HIF1A: variants seen among roughly 807,000 people sequenced by gnomAD.
The protein encoded by HIF1A is hypoxia-inducible factor 1-alpha.
A neutral mutation model predicts 92.7 loss-of-function variants in HIF1A; 24 were observed. The ratio of observed to expected loss-of-function variants is 0.26; its 90% CI spans 0.19 to 0.36. The LOEUF (loss-of-function observed/expected upper bound fraction) is 0.36, where lower values mean the gene tolerates loss of function less well. HIF1A is among the 10% of genes least tolerant of loss of function. HIF1A has a pLI of 1.00. For synonymous variants in HIF1A, 319 were observed against 338.7 expected, an observed-to-expected ratio of 0.94 and a Z score of 0.64; for missense variants, 799 against 998.5, an observed-to-expected ratio of 0.80 and a Z score of 2.69.
intron 1 of HIF1A, among the ~76,000 whole-genome samples, chr14:61,699,343 G>T (rs923890572): frequency 6.6e-6 from 1 of 152,096 alleles, no homozygotes; most frequent in African/African-American, 2.4e-5. Flanking sequence ...TAACGCCATT[G>T]TCTGTGACTC....
chr14:61,741,301 C>G (rs917405715), intron 12 of HIF1A, 113 bp downstream of exon 12: 1 of 648,206 alleles, frequency 1.5e-6, no homozygotes, highest in African/African-American at 1.8e-5. Flanking sequence ...TATGCCCTAA[C>G]GCAAATTCTT....
At position 61,729,697 on chromosome 14, in the gene HIF1A, T is replaced by C. The variant is rs535749101; in HGVS notation, c.773+2042T>C. On this transcript the variant is annotated intron_variant, in intron 6 of 14. Transcript: ENST00000337138. ...ATTATTTTTTATTTTTTTGAAAACT[T>C]AAGGTAACAAAGTAGAGAGGAGGCC... Among the ~76,000 whole-genome samples, 403 of 152,082 alleles carry C rather than the reference T, an allele frequency of 2.6e-3. 1 individual carries two copies. Among genetic ancestry groups the C allele is most frequent in the African/African-American group, 9.2e-3 (380 of 41,452 alleles).
chr14:61,696,232 C>G (rs527814685), intron 1 of HIF1A, among the ~76,000 whole-genome samples: 29 of 152,380 alleles, frequency 1.9e-4, no homozygotes, highest in Admixed American at 1.8e-3. Flanking sequence ...GCTCGGTAGC[C>G]GCGGTTTGCA....
At chr14:61,710,326 ATT>A (rs1320648520) in intron 1 of HIF1A, among the ~76,000 whole-genome samples, 2 of 152,188 alleles carry the variant, frequency 1.3e-5, no homozygotes, top group Non-Finnish European at 2.9e-5. Flanking sequence ...GTAAAAATAC[ATT>A]TGTTCCATAA....
At chr14:61,746,557 C>T (rs2044793058) in intron 14 of HIF1A, among the ~76,000 whole-genome samples, 1 of 151,890 alleles carries the variant, frequency 6.6e-6, no homozygotes, top group African/African-American at 2.4e-5. Flanking sequence ...ACATGCCTCA[C>T]CACACCCGGT....
chr14:61,706,434 T>C (rs571926650), intron 1 of HIF1A, among the ~76,000 whole-genome samples: 27 of 152,338 alleles, frequency 1.8e-4, no homozygotes, highest in Non-Finnish European at 2.8e-4. Flanking sequence ...GCTGGCTTAT[T>C]GACTTTTACT....
At chr14:61,725,896 T>C (rs1295384067) in intron 4 of HIF1A, among the ~76,000 whole-genome samples, 1 of 151,938 alleles carries the variant, frequency 6.6e-6, no homozygotes, top group Non-Finnish European at 1.5e-5. Context: ...CTCAGCTCAC[T>C]GCAACCTCTG....
chr14:61,737,474 C>T (rs1331961670), intron 9 of HIF1A, among the ~76,000 whole-genome samples: 1 of 152,168 alleles, frequency 6.6e-6, no homozygotes, highest in Non-Finnish European at 1.5e-5. Context: ...CATACTATAA[C>T]ATCAAGCATT....
intron 1 of HIF1A, among the ~76,000 whole-genome samples, chr14:61,713,134 T>C (rs1257168688): frequency 6.6e-6 from 1 of 152,064 alleles, no homozygotes; most frequent in Non-Finnish European, 1.5e-5. Flanking sequence ...CTGAAGAATG[T>C]GGAAAATGAT....
chr14:61,734,344 C>T lies in HIF1A; in HGVS notation c.1028+59C>T, dbSNP rs2044611144. On this transcript the variant is annotated intron_variant, in intron 8 of 14. Coordinates refer to ENST00000337138, the MANE Select transcript of HIF1A (RefSeq NM_001530.4). ...AACAAATAGTAATTCTTTTTGGATA[C>T]TCTGTTCATTTATAGGAAGATAAGA... 2.5e-6 allele frequency: 3 copies of T among 1,178,672 alleles called. No individual in the cohort carries two copies. The South Asian group carries it at 4.4e-5, about 17-fold the overall frequency. The allele number at this position is 1,178,672 out of a possible 1,614,324, so 73.0% of individuals were successfully genotyped here.
chr14:61,738,393 C>T lies in HIF1A; in HGVS notation c.1536+20C>T. ...CCTGAGGTAGGTGTCATGATATAAT[C>T]AGAAAGGGACAACTTTCAGATTTTA... On this transcript the variant is annotated intron_variant, in intron 10 of 14. Transcript: ENST00000337138. 2 of 1,539,900 alleles carry T rather than the reference C, an allele frequency of 1.3e-6. No homozygotes were observed. Among genetic ancestry groups the T allele is most frequent in the Non-Finnish European group, 1.8e-6 (2 of 1,140,912 alleles).
At chr14:61,700,595 T>G (rs1038027139) in intron 1 of HIF1A, among the ~76,000 whole-genome samples, 1 of 152,358 alleles carries the variant, frequency 6.6e-6, no homozygotes, top group South Asian at 2.1e-4. Context: ...TGTGCTGCTC[T>G]GAACATGAGT....
intron 1 of HIF1A, among the ~76,000 whole-genome samples, chr14:61,696,673 A>G (rs1323159606): frequency 6.6e-6 from 1 of 152,212 alleles, no homozygotes; most frequent in Admixed American, 6.5e-5. Flanking sequence ...TTCTTCAAAT[A>G]ATGAAAATGT....
intron 6 of HIF1A, among the ~76,000 whole-genome samples, chr14:61,728,811 C>T (rs2044539478): frequency 6.6e-6 from 1 of 152,062 alleles, no homozygotes; most frequent in Non-Finnish European, 1.5e-5. Flanking sequence ...ATCTAAGTTG[C>T]CAGAAAGTGG....
intron 1 of HIF1A, among the ~76,000 whole-genome samples, chr14:61,707,513 G>T (rs2044253714): frequency 6.6e-6 from 1 of 151,506 alleles, no homozygotes; most frequent in African/African-American, 2.4e-5. Flanking sequence ...GTGTCCATGT[G>T]TTCTCATTGT....
intron 11 of HIF1A, 21 bp from the exon 12 acceptor site, chr14:61,740,734 C>T (rs565501309): frequency 1.3e-6 from 2 of 1,585,796 alleles, no homozygotes; most frequent in South Asian, 1.1e-5. Context: ...TGTAAAAACT[C>T]ATGTATTTGC....
Position 61,745,722 on chromosome 14 carries a change from C to T in HIF1A, c.2234C>T (p.Ala745Val). 1.2e-6 allele frequency: 2 copies of T among 1,611,920 alleles called. No individual in the cohort carries two copies. Among genetic ancestry groups the T allele is most frequent in the Non-Finnish European group, 1.7e-6 (2 of 1,178,062 alleles). The change falls in exon 14 of 15, where the codon GCA becomes GTA. Residue 745 changes from alanine to valine, a missense_variant. Physicochemically the swap from Ala to Val is moderately conservative, Grantham distance 64. Around this residue, in one of 2 missense-constraint regions of HIF1A, gnomAD observed 283 missense variants for 277.5 expected, o/e 1.02. Transcript: ENST00000337138. ...GTLLQQPDDH[A>V]ATTSLSWKRV... ...TTATTACAGCAGCCAGACGATCATG[C>T]AGCTACTACATCACTTTCTTGGAAA...
chr14:61,740,939 C>T lies in HIF1A; in HGVS notation c.1844C>T (p.Thr615Ile). ...ATACAAGAACCTACTGCTAATGCCA[C>T]CACTACCACTGCCACCACTGATGAA... ...TQIQEPTANATTTTATTDELK... is the reference protein window; with the variant it reads ...TQIQEPTANAITTTATTDELK... Residue 615 changes from threonine to isoleucine, a missense_variant, in exon 12 of 15, where the codon ACC becomes ATC. By Grantham distance (89) the Thr-to-Ile change is moderately conservative. This residue lies in a region of HIF1A where 283 missense variants were observed against 277.5 expected (regional missense o/e 1.02). Transcript: ENST00000337138. The T allele has an allele frequency of 6.2e-7, 1 of 1,614,118 alleles. No individual in the cohort carries two copies. Among genetic ancestry groups the T allele is most frequent in the Non-Finnish European group, 8.5e-7 (1 of 1,179,978 alleles).
intron 9 of HIF1A, 75 bp from the exon 10 acceptor site, chr14:61,738,012 G>C: frequency 7.9e-7 from 1 of 1,259,474 alleles, no homozygotes; most frequent in East Asian, 2.4e-5. Flanking sequence ...GGGCAACAGA[G>C]CAAGACTCTG....
Sources: gnomAD v4.1 joint callset for allele counts (sites outside exome capture counted in the v4.1 genomes callset) on GRCh38, gnomAD v4.1.1 for gene constraint, gnomAD v4.1.1 regional missense constraint, MANE v1.5 for transcripts, NCBI Gene and HGNC (gene_info 2026-07-23, HGNC 2026-07-21) for gene names.